Variants in PIWIL2 observed in about 807,000 individuals in gnomAD.
PIWIL2 encodes piwi like RNA-mediated gene silencing 2, also known as piwi-like protein 2.
PIWIL2 carries 81 observed loss-of-function variants against 116.5 expected under a neutral mutation model. That is an observed-to-expected ratio of 0.70 (90% confidence interval 0.58 to 0.84). PIWIL2 has a LOEUF of 0.84. Among genes scored for constraint, PIWIL2 ranks in the 40% least tolerant of loss-of-function variants. The pLI, the probability that PIWIL2 is intolerant of heterozygous loss-of-function variation, is 0.00. For missense variants in PIWIL2, 1,272 were observed against 1,212.3 expected (o/e 1.05, Z -0.73); for synonymous variants, 489 against 429.5 (o/e 1.14, Z -1.71).
rs1830720994 is a variant in PIWIL2, at chr8:22,289,928, G to T, written c.1067+1G>T. On this transcript the variant is annotated splice_donor_variant, in intron 9 of 22. Coordinates refer to ENST00000356766, the MANE Select transcript of PIWIL2 (RefSeq NM_018068.5). LOFTEE classifies it high-confidence loss of function. ...GTGCTATGGTACTACAGCAACACAG[G>T]TTGGTACTTTTTTCCCTTCCCTCAC... 1 of 1,599,670 alleles carries T rather than the reference G, an allele frequency of 6.3e-7. No homozygotes were observed. Among genetic ancestry groups the T allele is most frequent in the Non-Finnish European group, 8.6e-7 (1 of 1,167,506 alleles).
chr8:22,278,517 T>A (rs1437287618), intron 1 of PIWIL2, among the ~76,000 whole-genome samples: 1 of 152,150 alleles, frequency 6.6e-6, no homozygotes, highest in Non-Finnish European at 1.5e-5. Context: ...GAGACCCTCC[T>A]AAAAAACTGC....
chr8:22,290,055 C>A, intron 9 of PIWIL2, 128 bp downstream of exon 9: 1 of 736,284 alleles, frequency 1.4e-6, no homozygotes, highest in Non-Finnish European at 2.3e-6. Context: ...TCAATTAAAT[C>A]TCTTCCTTAG....
intron 21 of PIWIL2, 62 bp downstream of exon 21, chr8:22,353,274 G>C: frequency 6.8e-7 from 1 of 1,465,170 alleles, no homozygotes; most frequent in Non-Finnish European, 9.4e-7. Context: ...TCACTTTCCT[G>C]AGTATTGGAA....
intron 20 of PIWIL2, among the ~76,000 whole-genome samples, chr8:22,329,357 C>A (rs377272022): frequency 6.6e-6 from 1 of 152,116 alleles, no homozygotes; most frequent in South Asian, 2.1e-4. Flanking sequence ...AGGCTTTACA[C>A]GAAGCATAAT....
At chr8:22,322,045 T>C in intron 20 of PIWIL2, 1 of 941,460 alleles carries the variant, frequency 1.1e-6, no homozygotes, top group Non-Finnish European at 1.3e-6. Context: ...AAATAAACTT[T>C]TTATTTTGGA....
chr8:22,310,610 C>G (rs778038715), intron 15 of PIWIL2, among the ~76,000 whole-genome samples: 1 of 150,616 alleles, frequency 6.6e-6, no homozygotes, highest in Admixed American at 6.7e-5. Context: ...AAACGTGTAA[C>G]TTGATGAGTT....
At chr8:22,354,895 C>T (rs946968329) in intron 22 of PIWIL2, among the ~76,000 whole-genome samples, 1 of 151,974 alleles carries the variant, frequency 6.6e-6, no homozygotes, top group African/African-American at 2.4e-5. Context: ...CATGGCAAAA[C>T]CCTGTCTCTA....
chr8:22,335,072 A>AAAAAAAAAT (rs34666629), intron 20 of PIWIL2, among the ~76,000 whole-genome samples: 1 of 146,246 alleles, frequency 6.8e-6, no homozygotes, highest in Non-Finnish European at 1.5e-5. Context: ...AAAAAAAAAA[A>AAAAAAAAAT]GTCAATTTTA....
At chr8:22,351,602 A>G (rs1207496183) in intron 20 of PIWIL2, among the ~76,000 whole-genome samples, 2 of 149,340 alleles carry the variant, frequency 1.3e-5, no homozygotes, top group East Asian at 4.0e-4. Context: ...CAGTGGTGCA[A>G]TCTTGGCTCA....
At chr8:22,323,474 C>T (rs1426800289) in intron 20 of PIWIL2, among the ~76,000 whole-genome samples, 1 of 152,120 alleles carries the variant, frequency 6.6e-6, no homozygotes, top group Non-Finnish European at 1.5e-5. Flanking sequence ...TCGTGATCCA[C>T]CCACTTCAGC....
Position 22,355,627 on chromosome 8 carries a change from CT to C in PIWIL2, c.*123del. On this transcript the variant is annotated 3_prime_UTR_variant, in exon 23 of 23. Coordinates refer to ENST00000356766, the MANE Select transcript of PIWIL2 (RefSeq NM_018068.5). ...GTTATAATTTTCCCTTTCTCCAACCCTGTAGAATAAGATTTCTTTCTTGTCT... is the reference window on the plus strand; with the variant it reads ...GTTATAATTTTCCCTTTCTCCAACCCGTAGAATAAGATTTCTTTCTTGTCT... 1 of 810,530 alleles carries C rather than the reference CT, an allele frequency of 1.2e-6. No homozygotes were observed. The allele number at this position is 810,530 out of a possible 1,614,324, so 50.2% of individuals were successfully genotyped here. A position where few individuals can be genotyped will look rare whatever the true frequency, so the allele number is the denominator to read the frequency against.
intron 20 of PIWIL2, among the ~76,000 whole-genome samples, chr8:22,348,087 G>T (rs962071189): frequency 6.6e-6 from 1 of 152,048 alleles, no homozygotes; most frequent in Non-Finnish European, 1.5e-5. Flanking sequence ...CATCACTTGA[G>T]GTCAGGAGTT....
intron 20 of PIWIL2, among the ~76,000 whole-genome samples, chr8:22,325,875 C>G (rs1442040711): frequency 1.3e-5 from 2 of 152,184 alleles, no homozygotes; most frequent in Non-Finnish European, 2.9e-5. Flanking sequence ...CTGCTCATGT[C>G]AGGCACTGTC....
intron 20 of PIWIL2, among the ~76,000 whole-genome samples, chr8:22,335,959 CA>C (rs1831973166): frequency 6.6e-6 from 1 of 152,030 alleles, no homozygotes; most frequent in Admixed American, 6.6e-5. Context: ...ATAACAATTA[CA>C]ATATATGTGC....
chr8:22,312,206 A>G (rs1831349449), intron 16 of PIWIL2, among the ~76,000 whole-genome samples: 1 of 151,548 alleles, frequency 6.6e-6, no homozygotes. Context: ...TTGAGGCTGC[A>G]GTGAGCTATG....
At chr8:22,286,982 G>A (rs138757598) in intron 6 of PIWIL2, among the ~76,000 whole-genome samples, 2,258 of 152,030 alleles carry the variant, frequency 0.015, 28 homozygotes, top group Non-Finnish European at 0.024. Flanking sequence ...TTACTTGGGG[G>A]ACTGAGGCAG....
At chr8:22,351,536 G>GT (rs571729759) in intron 20 of PIWIL2, among the ~76,000 whole-genome samples, 1 of 102,626 alleles carries the variant, frequency 9.7e-6, no homozygotes, top group Non-Finnish European at 2.1e-5. Flanking sequence ...TTTTTTTTTT[G>GT]TTTTTTTGTT....
intron 20 of PIWIL2, among the ~76,000 whole-genome samples, chr8:22,346,894 A>G (rs888558268): frequency 3.3e-5 from 5 of 152,050 alleles, no homozygotes; most frequent in African/African-American, 1.2e-4. Flanking sequence ...GAAAATTTTT[A>G]GTTGGGCATA....
chr8:22,344,319 T>C (rs1488590019), intron 20 of PIWIL2, among the ~76,000 whole-genome samples: 5 of 152,208 alleles, frequency 3.3e-5, no homozygotes, highest in African/African-American at 7.2e-5. Context: ...AACACAAATA[T>C]GTAAACTGTG....
Sources: allele counts gnomAD v4.1 joint callset (sites outside exome capture counted in the v4.1 genomes callset), GRCh38; gene constraint gnomAD v4.1.1; transcripts MANE v1.5; gene names NCBI Gene and HGNC (gene_info 2026-07-23, HGNC 2026-07-21).